NKD2: variants seen among roughly 807,000 people sequenced by gnomAD.
NKD2 encodes the protein protein naked cuticle homolog 2.
A neutral mutation model predicts 34.8 loss-of-function variants in NKD2; 43 were observed. The observed-to-expected ratio is 1.24, with a 90% CI of 0.97 to 1.60. The LOEUF (loss-of-function observed/expected upper bound fraction) is 1.60. Ranked by LOEUF, NKD2 falls within the 40% of genes most tolerant of loss-of-function variation. NKD2 has a pLI of 0.00. For missense variants in NKD2, 675 were observed against 627.1 expected (o/e 1.08, Z -0.82); for synonymous variants, 278 against 265.1 (o/e 1.05, Z -0.47).
chr5:1,030,545 GAAAT>G (rs146113199), intron 3 of NKD2, among the ~76,000 whole-genome samples: 1,583 of 152,286 alleles, frequency 0.01, 30 homozygotes, highest in African/African-American at 0.037. Context: ...TTCTGATTTT[GAAAT>G]AAATAAATAA....
Position 1,038,685 on chromosome 5 carries a change from A to T in NKD2, c.*312A>T. ...TAAAACCTGCTTTGATTCCAAAATG[A>T]GGCCCTGGAGTGCGCAAGGAGTGCC... On this transcript the variant is annotated 3_prime_UTR_variant, in exon 10 of 10. Coordinates refer to ENST00000296849, the MANE Select transcript of NKD2 (RefSeq NM_033120.4). This position sits in a 1 kb window ranked among gnomAD's most constrained non-coding sequence, Gnocchi z 4.5. 1.7e-6 allele frequency: 1 copy of T among 603,530 alleles called. No homozygotes were observed. The highest frequency in any genetic ancestry group is 3.0e-6 in the Non-Finnish European group (1 of 337,112). The allele number at this position is 603,530 out of a possible 1,614,324, so 37.4% of individuals were successfully genotyped here. A position where few individuals can be genotyped will look rare whatever the true frequency, so the allele number is the denominator to read the frequency against.
chr5:1,034,932 A>C (rs1373447388), intron 7 of NKD2, 29 bp downstream of exon 7: 2 of 1,578,808 alleles, frequency 1.3e-6, no homozygotes, highest in Non-Finnish European at 1.7e-6. Context: ...CACACAGAGG[A>C]CCCTACCCAA....
At chr5:1,031,175 C>G (rs1159776819) in intron 3 of NKD2, among the ~76,000 whole-genome samples, 1 of 152,146 alleles carries the variant, frequency 6.6e-6, no homozygotes, top group African/African-American at 2.4e-5. Context: ...CCCGGCAGGG[C>G]AGACAGCCCC....
Position 1,038,555 on chromosome 5 carries a change from A to AC in NKD2, c.*183dup. On this transcript the variant is annotated 3_prime_UTR_variant, in exon 10 of 10. Coordinates refer to ENST00000296849, the MANE Select transcript of NKD2 (RefSeq NM_033120.4). The surrounding 1 kb of genome is among the most constrained non-coding windows in gnomAD (Gnocchi z 4.5). ...GAGGTGGTGCACCTTGGACACGTGG[A>AC]CAAGGCCCAGGCGCCCTCTGCTCTT... is the stretch of plus-strand genomic sequence containing the variant. The AC allele has an allele frequency of 7.8e-7, 1 of 1,282,486 alleles. No individual in the cohort carries two copies. Among genetic ancestry groups the AC allele is most frequent in the Non-Finnish European group, 1.1e-6 (1 of 917,928 alleles). The allele number at this position is 1,282,486 out of a possible 1,614,324, so 79.4% of individuals were successfully genotyped here. A position where few individuals can be genotyped will look rare whatever the true frequency, so the allele number is the denominator to read the frequency against.
In NKD2 at chr5:1,025,891, C is replaced by T. The variant is rs1240798359; in HGVS notation, c.142-6261C>T. Among the ~76,000 whole-genome samples the T allele has an allele frequency of 6.3e-4, 69 of 109,862 alleles. 1 individual carries two copies. Among genetic ancestry groups the T allele is most frequent in the African/African-American group, 2.5e-3 (66 of 26,536 alleles). The allele number at this position is 109,862 out of a possible 152,430, so 72.1% of individuals were successfully genotyped here. ...CTGTGGGCGTCCCAGCCCGTTGTCCCTGCTCTTCCCACCCTCTGTGGGCGT... is the reference window on the plus strand; with the variant it reads ...CTGTGGGCGTCCCAGCCCGTTGTCCTTGCTCTTCCCACCCTCTGTGGGCGT... On this transcript the variant is annotated intron_variant, in intron 3 of 9. Coordinates refer to ENST00000296849, the MANE Select transcript of NKD2 (RefSeq NM_033120.4).
In NKD2 at chr5:1,036,320, G is replaced by A. The variant is rs73026757; in HGVS notation, c.723G>A (p.Thr241=). The change falls in exon 9 of 10, where the codon ACG becomes ACA. Residue 241 remains threonine (T), a synonymous_variant. Coordinates refer to ENST00000296849, the MANE Select transcript of NKD2 (RefSeq NM_033120.4). ...ERGPYCVDEN[T]ERRNHYLDLA... is the part of the protein sequence containing the mutation. ...GGCCCTACTGCGTGGACGAGAACACGGAGCGCAGAAACCACTACCTGGACC... is the reference window on the plus strand; with the variant it reads ...GGCCCTACTGCGTGGACGAGAACACAGAGCGCAGAAACCACTACCTGGACC... 63,506 of 1,612,704 alleles carry A rather than the reference G, an allele frequency of 0.039. 1,349 individuals carry two copies. Among genetic ancestry groups the A allele is most frequent in the African/African-American group, 0.065 (4,892 of 74,982 alleles).
chr5:1,037,558 A>ACACAGG, intron 9 of NKD2: 1 of 1,535,926 alleles, frequency 6.5e-7, no homozygotes, highest in Non-Finnish European at 8.7e-7. Flanking sequence ...CGCTCCCAGG[A>ACACAGG]CACACAGTGG....
chr5:1,036,487 G>GAC, intron 9 of NKD2, 103 bp downstream of exon 9: 1 of 675,014 alleles, frequency 1.5e-6, no homozygotes. Context: ...TCCCTGCCCT[G>GAC]CCCCGCCCCC....
At chr5:1,014,162 T>C (rs1298646311) in intron 3 of NKD2, among the ~76,000 whole-genome samples, 2 of 152,244 alleles carry the variant, frequency 1.3e-5, no homozygotes, top group Non-Finnish European at 1.5e-5. Context: ...GGAAGCCTGG[T>C]GCTGCTCCGT....
chr5:1,034,587 G>T (rs1039508358), intron 6 of NKD2, among the ~76,000 whole-genome samples, 169 bp from the exon 7 acceptor site: 2 of 152,214 alleles, frequency 1.3e-5, no homozygotes, highest in Non-Finnish European at 2.9e-5. Context: ...AGGGCCACCT[G>T]GGCAGACCCA....
chr5:1,028,249 C>T (rs1001676463), intron 3 of NKD2, among the ~76,000 whole-genome samples: 5 of 152,092 alleles, frequency 3.3e-5, no homozygotes, highest in Admixed American at 6.5e-5. Context: ...GTGGTTGGCT[C>T]ACAGACCAGG....
rs750111447 is a variant in NKD2, at chr5:1,033,436, C to T, written c.267C>T (p.Asp89=). ...EHPGQLLSAD[D]GERAANREGP... ...CGGGACAACTCCTCAGCGCAGATGA[C>T]GGAGAGAGGGCAGCAAACCGCGAGG... is the stretch of plus-strand genomic sequence containing the variant. Residue 89 remains aspartate, a synonymous_variant, in exon 5 of 10, where the codon GAC becomes GAT. Transcript: ENST00000296849. 26 of 1,579,670 alleles carry T rather than the reference C, an allele frequency of 1.6e-5. No individual in the cohort carries two copies. The highest frequency in any genetic ancestry group is 5.4e-5 in the Admixed American group (3 of 56,004).
chr5:1,030,170 C>T (rs897237278), intron 3 of NKD2, among the ~76,000 whole-genome samples: 3 of 152,186 alleles, frequency 2.0e-5, no homozygotes, highest in Admixed American at 2.0e-4. Flanking sequence ...CCTTCCCCTC[C>T]CTACCAGCCC....
rs1403284372 is a variant in NKD2, at chr5:1,009,527, G to C, written c.108G>C (p.Ala36=). 6.7e-7 allele frequency: 1 copy of C among 1,494,774 alleles called. No homozygotes were observed. The highest frequency in any genetic ancestry group is 8.8e-7 in the Non-Finnish European group (1 of 1,131,078). The allele number at this position is 1,494,774 out of a possible 1,614,324, so 92.6% of individuals were successfully genotyped here. ...ASAYASGRKG[A]EEAERRARDK... ...CGTACGCGAGCGGCCGCAAAGGCGC[G>C]GAGGAAGCGGAGCGGCGCGCGCGGG... The change falls in exon 3 of 10, where the codon GCG becomes GCC. Residue 36 remains alanine (A), a synonymous_variant. Coordinates refer to ENST00000296849, the MANE Select transcript of NKD2 (RefSeq NM_033120.4). This position sits in a 1 kb window ranked among gnomAD's most constrained non-coding sequence, Gnocchi z 6.9.
intron 3 of NKD2, among the ~76,000 whole-genome samples, chr5:1,029,259 G>A (rs1190683503): frequency 6.6e-6 from 1 of 152,190 alleles, no homozygotes; most frequent in Non-Finnish European, 1.5e-5. Context: ...GGGAATAAGG[G>A]GATATTTTTT....
At chr5:1,020,441 C>G (rs1004790090) in intron 3 of NKD2, among the ~76,000 whole-genome samples, 3 of 152,100 alleles carry the variant, frequency 2.0e-5, no homozygotes, top group African/African-American at 7.3e-5. Context: ...CCCTAGTCAC[C>G]CTGCTCAGCC....
At chr5:1,018,915 C>CA (rs1756064062) in intron 3 of NKD2, among the ~76,000 whole-genome samples, 1 of 152,164 alleles carries the variant, frequency 6.6e-6, no homozygotes, top group Admixed American at 6.5e-5. Context: ...TCCGAAAGGG[C>CA]AGAGAGCACC....
intron 3 of NKD2, among the ~76,000 whole-genome samples, chr5:1,026,007 C>A (rs1756379310): frequency 9.0e-6 from 1 of 110,928 alleles, no homozygotes; most frequent in Non-Finnish European, 1.8e-5. Context: ...CGTCTCAGCC[C>A]ATTGTCCCTG....
intron 5 of NKD2, among the ~76,000 whole-genome samples, chr5:1,033,974 C>A (rs1208923062): frequency 1.3e-5 from 2 of 152,238 alleles, no homozygotes; most frequent in Non-Finnish European, 2.9e-5. Context: ...GGAGTGCTTG[C>A]ATGAGCTGAG....
Sources: allele counts gnomAD v4.1 joint callset (sites outside exome capture counted in the v4.1 genomes callset), GRCh38; gene constraint gnomAD v4.1.1; non-coding constraint Gnocchi (gnomAD v3.1); transcripts MANE v1.5; gene names NCBI Gene and HGNC (gene_info 2026-07-23, HGNC 2026-07-21).